SLC24A2: variants seen among roughly 807,000 people sequenced by gnomAD.
The protein encoded by SLC24A2 is solute carrier family 24 member 2.
Under a neutral mutation model 62.0 loss-of-function variants are expected in SLC24A2, and 36 were observed. The observed-to-expected ratio is 0.58, with a 90% confidence interval of 0.44 to 0.77. The LOEUF is 0.77. Among genes scored for constraint, SLC24A2 ranks in the 30% least tolerant of loss-of-function variants. The pLI, the probability that SLC24A2 is intolerant of heterozygous loss-of-function variation, is 0.00. For missense variants in SLC24A2, 846 were observed against 817.9 expected (o/e 1.03, Z -0.42); for synonymous variants, 358 against 294.0 (o/e 1.22, Z -2.23).
intron 2 of SLC24A2, among the ~76,000 whole-genome samples, chr9:19,732,218 C>T (rs1364107324): frequency 6.6e-6 from 1 of 152,206 alleles, no homozygotes; most frequent in East Asian, 1.9e-4. Context: ...CTAGTGGGCA[C>T]ATTATGTCTG....
chr9:20,273,079 T>C, the SLC24A2 span, among the ~76,000 whole-genome samples: 1 of 152,148 alleles, frequency 6.6e-6, no homozygotes, highest in Non-Finnish European at 1.5e-5. Flanking sequence ...ACGATGTGTC[T>C]AACCAATACC....
At chr9:19,577,980 C>A (rs1836081412) in intron 5 of SLC24A2, among the ~76,000 whole-genome samples, 1 of 151,572 alleles carries the variant, frequency 6.6e-6, no homozygotes, top group Non-Finnish European at 1.5e-5. Flanking sequence ...AGTGATGTAA[C>A]TCAGGAATGG....
chr9:19,885,123 C>T, the SLC24A2 span, among the ~76,000 whole-genome samples: 5 of 152,092 alleles, frequency 3.3e-5, no homozygotes, highest in African/African-American at 7.2e-5. Flanking sequence ...CCAACAGTGT[C>T]GCTGGGGACA....
chr9:19,829,361 G>A, the SLC24A2 span, among the ~76,000 whole-genome samples: 5 of 152,170 alleles, frequency 3.3e-5, no homozygotes, highest in South Asian at 8.3e-4. Flanking sequence ...AGCACATTGG[G>A]TGGTTGAGAA....
chr9:19,809,807 TC>T, the SLC24A2 span, among the ~76,000 whole-genome samples: 3 of 152,034 alleles, frequency 2.0e-5, no homozygotes, highest in Non-Finnish European at 4.4e-5. Context: ...GACTATAACT[TC>T]CGTTGCATCA....
the SLC24A2 span, among the ~76,000 whole-genome samples, chr9:20,068,269 G>A: frequency 6.6e-6 from 1 of 151,848 alleles, no homozygotes; most frequent in South Asian, 2.1e-4. Flanking sequence ...TCACCATCTT[G>A]GCCAGGCTGG....
At chr9:20,027,618 A>G in the SLC24A2 span, among the ~76,000 whole-genome samples, 3 of 152,270 alleles carry the variant, frequency 2.0e-5, no homozygotes, top group Middle Eastern at 6.8e-3. Context: ...AGAAGTAGAG[A>G]GCAGAATGGT....
intron 8 of SLC24A2, among the ~76,000 whole-genome samples, chr9:19,548,714 T>C (rs866668606): frequency 4.1e-4 from 63 of 152,146 alleles, no homozygotes; most frequent in African/African-American, 1.4e-3. Context: ...AATGGAGCTG[T>C]CCACAATGCT....
At chr9:20,293,830 G>A in the SLC24A2 span, among the ~76,000 whole-genome samples, 6 of 152,068 alleles carry the variant, frequency 3.9e-5, no homozygotes, top group Non-Finnish European at 8.8e-5. Flanking sequence ...TTAGTACAAT[G>A]TCCACTCCCA....
At chr9:20,130,615 G>A in the SLC24A2 span, among the ~76,000 whole-genome samples, 1 of 152,082 alleles carries the variant, frequency 6.6e-6, no homozygotes, top group Non-Finnish European at 1.5e-5. Flanking sequence ...TAGGAAATGG[G>A]AAATGAATCA....
At chr9:19,739,556 T>C (rs1821611972) in intron 2 of SLC24A2, among the ~76,000 whole-genome samples, 1 of 152,118 alleles carries the variant, frequency 6.6e-6, no homozygotes. Flanking sequence ...GAAACTGCAG[T>C]GCAGTGAGGA....
the SLC24A2 span, among the ~76,000 whole-genome samples, chr9:20,232,714 G>GT: frequency 6.6e-6 from 1 of 152,078 alleles, no homozygotes; most frequent in Non-Finnish European, 1.5e-5. Context: ...TTTTTGAAGG[G>GT]TTTTTTGTGT....
intron 8 of SLC24A2, among the ~76,000 whole-genome samples, chr9:19,529,782 ACTCG>A (rs1427064239): frequency 1.1e-4 from 16 of 143,474 alleles, no homozygotes; most frequent in African/African-American, 4.2e-4. Flanking sequence ...ATGGAGTCTC[ACTCG>A]GTCACCCAGG....
chr9:19,551,623 T>C (rs1210311620), intron 7 of SLC24A2, among the ~76,000 whole-genome samples: 1 of 152,184 alleles, frequency 6.6e-6, no homozygotes, highest in African/African-American at 2.4e-5. Flanking sequence ...AGAAAGCTCC[T>C]ACCCCTGGGG....
chr9:19,699,231 C>A (rs1172050127), intron 2 of SLC24A2, among the ~76,000 whole-genome samples: 1 of 152,104 alleles, frequency 6.6e-6, no homozygotes, highest in Non-Finnish European at 1.5e-5. Context: ...ACAAGAACGG[C>A]TGGCAAAGTA....
At chr9:19,744,424 G>A (rs1821768986) in intron 2 of SLC24A2, among the ~76,000 whole-genome samples, 1 of 152,120 alleles carries the variant, frequency 6.6e-6, no homozygotes, top group South Asian at 2.1e-4. Flanking sequence ...CACACTGGGA[G>A]TTTGTATGTT....
At chr9:20,089,627 A>C in the SLC24A2 span, among the ~76,000 whole-genome samples, 2 of 151,874 alleles carry the variant, frequency 1.3e-5, no homozygotes, top group African/African-American at 4.8e-5. Context: ...GAACATGCCC[A>C]CTAGTAGTGT....
the SLC24A2 span, among the ~76,000 whole-genome samples, chr9:19,973,923 A>G: frequency 5.9e-5 from 9 of 152,304 alleles, no homozygotes; most frequent in African/African-American, 1.9e-4. Flanking sequence ...TTGTTTCCCT[A>G]TAGAAAAAGT....
chr9:19,898,273 T>C, the SLC24A2 span, among the ~76,000 whole-genome samples: 23 of 152,304 alleles, frequency 1.5e-4, no homozygotes, highest in Admixed American at 5.9e-4. Flanking sequence ...TGCAGCCAGG[T>C]ATGTGTATCA....
Sources: allele counts gnomAD v4.1 joint callset (sites outside exome capture counted in the v4.1 genomes callset), GRCh38; gene constraint gnomAD v4.1.1; transcripts MANE v1.5; gene names NCBI Gene and HGNC (gene_info 2026-07-23, HGNC 2026-07-21).